FANCB: variants seen among roughly 807,000 people sequenced by gnomAD.
The protein encoded by FANCB is FA complementation group B, also known as Fanconi anemia group B protein.
A neutral mutation model predicts 38.9 loss-of-function variants in FANCB; 5 were observed. That is an observed-to-expected ratio of 0.13 (90% confidence interval 0.07 to 0.27). The LOEUF (loss-of-function observed/expected upper bound fraction) is 0.27. Among genes scored for constraint, FANCB ranks in the 10% least tolerant of loss-of-function variants. The pLI, the probability that FANCB is intolerant of heterozygous loss-of-function variation, is 1.00. For missense variants in FANCB, 573 were observed against 602.7 expected (o/e 0.95, Z 0.52); for synonymous variants, 236 against 215.4 (o/e 1.10, Z -0.84).
intron 10 of FANCB, among the ~76,000 whole-genome samples, chrX:14,837,520 C>T (rs1437036262): frequency 1.8e-5 from 2 of 112,178 alleles, no homozygotes; most frequent in Non-Finnish European, 3.8e-5. Context: ...GGGAAGTAGT[C>T]AAGAGATAAA....
At chrX:14,698,986 C>G in the FANCB span, among the ~76,000 whole-genome samples, 285 of 111,484 alleles carry the variant, frequency 2.6e-3, 1 homozygote, top group African/African-American at 8.3e-3. Flanking sequence ...CAATGTGCAA[C>G]TAGGTGTATT....
chrX:14,765,573 A>G, the FANCB span, among the ~76,000 whole-genome samples: 5 of 112,538 alleles, frequency 4.4e-5, no homozygotes, highest in Admixed American at 1.9e-4. Context: ...ATGCCTCAGC[A>G]TCTATTTAAT....
chrX:14,802,744 C>T, the FANCB span, among the ~76,000 whole-genome samples: 4 of 111,557 alleles, frequency 3.6e-5, no homozygotes, highest in Non-Finnish European at 7.5e-5. Context: ...GGATAACCCC[C>T]GATGCTTCTT....
chrX:14,704,345 T>C, the FANCB span, among the ~76,000 whole-genome samples: 12 of 112,425 alleles, frequency 1.1e-4, no homozygotes, highest in African/African-American at 3.5e-4. Context: ...TAGCTCTTAA[T>C]TGGTGTAAGA....
the FANCB span, among the ~76,000 whole-genome samples, chrX:14,805,228 A>G: frequency 9.0e-6 from 1 of 111,698 alleles, no homozygotes; most frequent in African/African-American, 3.3e-5. Flanking sequence ...CGCAGGCTAC[A>G]TGATCACTCC....
At chrX:14,744,107 G>A in the FANCB span, among the ~76,000 whole-genome samples, 2 of 111,687 alleles carry the variant, frequency 1.8e-5, no homozygotes, top group African/African-American at 6.5e-5. Flanking sequence ...TATTTTTATA[G>A]ATTCCCTGGC....
At chrX:14,729,351 C>T in the FANCB span, among the ~76,000 whole-genome samples, 15 of 110,943 alleles carry the variant, frequency 1.4e-4, no homozygotes, top group South Asian at 5.7e-3. Context: ...CTTTTCAACC[C>T]CACCTTTTCA....
the FANCB span, among the ~76,000 whole-genome samples, chrX:14,797,331 T>C: frequency 9.0e-6 from 1 of 111,520 alleles, no homozygotes; most frequent in Non-Finnish European, 1.9e-5. Flanking sequence ...AGTCTCAATA[T>C]GTTTTGCGAC....
chrX:14,729,376 C>A, the FANCB span, among the ~76,000 whole-genome samples: 11 of 111,084 alleles, frequency 9.9e-5, no homozygotes, highest in South Asian at 4.2e-3. Flanking sequence ...CACCGTTTGA[C>A]CCCCTCCTTT....
At chrX:14,703,276 G>A in the FANCB span, among the ~76,000 whole-genome samples, 1 of 111,469 alleles carries the variant, frequency 9.0e-6, no homozygotes, top group Non-Finnish European at 1.9e-5. Context: ...TGTTCTAGGG[G>A]AGAATCTGAT....
At chrX:14,712,086 TA>T in the FANCB span, among the ~76,000 whole-genome samples, 1 of 113,087 alleles carries the variant, frequency 8.8e-6, no homozygotes, top group Non-Finnish European at 1.9e-5. Flanking sequence ...TGCCTTGGCA[TA>T]ACATTACCTT....
downstream of FANCB, among the ~76,000 whole-genome samples, chrX:14,833,372 C>T (rs1210607519): frequency 2.7e-5 from 3 of 111,795 alleles, no homozygotes; most frequent in South Asian, 1.1e-3. Context: ...TACTTATTAC[C>T]TTGAGTCTCA....
chrX:14,810,206 A>C, the FANCB span, among the ~76,000 whole-genome samples: 1 of 111,674 alleles, frequency 9.0e-6, no homozygotes, highest in Non-Finnish European at 1.9e-5. Context: ...TAAAACCACA[A>C]AGATGGGGAA....
downstream of FANCB, among the ~76,000 whole-genome samples, chrX:14,831,977 G>A (rs1480207988): frequency 1.8e-5 from 2 of 111,765 alleles, no homozygotes; most frequent in African/African-American, 6.5e-5. Context: ...CATGTTTACA[G>A]TCCCCTGGAA....
At chrX:14,746,141 A>C in the FANCB span, among the ~76,000 whole-genome samples, 1 of 112,359 alleles carries the variant, frequency 8.9e-6, no homozygotes, top group Non-Finnish European at 1.9e-5. Flanking sequence ...TTATAGTTTC[A>C]CTAAATCATT....
the FANCB span, among the ~76,000 whole-genome samples, chrX:14,744,170 T>C: frequency 9.0e-6 from 1 of 111,526 alleles, no homozygotes; most frequent in Non-Finnish European, 1.9e-5. Context: ...TGACTGAGCA[T>C]GCAGGTGCCG....
chrX:14,859,358 GA>G, intron 3 of FANCB, 24 bp from the exon 4 acceptor site: 1 of 1,125,908 alleles, frequency 8.9e-7, no homozygotes. Flanking sequence ...AGCATTATAG[GA>G]GGAGTAGACA....
the FANCB span, among the ~76,000 whole-genome samples, chrX:14,708,793 G>A: frequency 2.4e-4 from 27 of 111,227 alleles, no homozygotes; most frequent in Admixed American, 7.6e-4. Context: ...AAAATTAGCC[G>A]GGCACGGTGG....
downstream of FANCB, among the ~76,000 whole-genome samples, chrX:14,832,069 A>G (rs781095262): frequency 1.6e-4 from 18 of 111,768 alleles, no homozygotes; most frequent in African/African-American, 5.9e-4. Context: ...TCTAATTTCT[A>G]AAAGTAATGA....
Sources: gnomAD v4.1 joint callset for allele counts (sites outside exome capture counted in the v4.1 genomes callset) on GRCh38, gnomAD v4.1.1 for gene constraint, MANE v1.5 for transcripts, NCBI Gene and HGNC (gene_info 2026-07-23, HGNC 2026-07-21) for gene names.